Variants in DACH2 observed in about 807,000 individuals in gnomAD.
The protein encoded by DACH2 is dachshund homolog 2.
In DACH2, 17 loss-of-function variants were observed where a neutral mutation model predicts 35.8. The observed-to-expected ratio is 0.48, with a 90% CI of 0.33 to 0.71. The LOEUF is 0.71. Among genes scored for constraint, DACH2 ranks in the 30% least tolerant of loss-of-function variants. The probability of loss-of-function intolerance (pLI) is 0.02; values close to 1 mark genes in which losing one functional copy is unlikely to be tolerated. For missense variants in DACH2, 469 were observed against 472.7 expected, an observed-to-expected ratio of 0.99 and a Z score of 0.07; for synonymous variants, 195 against 177.3, an observed-to-expected ratio of 1.10 and a Z score of -0.79.
rs540430208 is a variant in DACH2, at chrX:86,465,799, T to C, written c.528-48480T>C. 8.9e-5 allele frequency among the ~76,000 whole-genome samples: 10 copies of C among 112,195 alleles called. No homozygotes were observed. In the East Asian group the frequency reaches 2.5e-3, roughly 28 times the overall value. On this transcript the variant is annotated intron_variant, in intron 2 of 11. Transcript: ENST00000373125. Reference sequence around the variant, plus strand: ...TATGTTTGTTTTGCCTATATGCCATTGATTTTCTATACCATGACTCTTCAA... The same window carrying C: ...TATGTTTGTTTTGCCTATATGCCATCGATTTTCTATACCATGACTCTTCAA...
chrX:86,332,551 T>C (rs1347876176), intron 1 of DACH2, among the ~76,000 whole-genome samples: 3 of 111,165 alleles, frequency 2.7e-5, no homozygotes, highest in Non-Finnish European at 5.7e-5. Flanking sequence ...TTTTTGTATG[T>C]GTGTATTCAG....
chrX:86,443,504 ATTT>A (rs112649268), intron 2 of DACH2, among the ~76,000 whole-genome samples: 12 of 99,391 alleles, frequency 1.2e-4, no homozygotes, highest in African/African-American at 4.4e-4. Context: ...ATTTGAATGA[ATTT>A]TTTTTTTTTT....
chrX:86,543,932 A>T (rs1245691116), intron 3 of DACH2, among the ~76,000 whole-genome samples: 1 of 108,642 alleles, frequency 9.2e-6, no homozygotes, highest in Non-Finnish European at 1.9e-5. Context: ...ACATGTATAC[A>T]TATGTAACTA....
chrX:86,359,792 A>C (rs941924259), intron 1 of DACH2, among the ~76,000 whole-genome samples: 1 of 111,317 alleles, frequency 9.0e-6, no homozygotes, highest in South Asian at 3.8e-4. Flanking sequence ...GAGAAAGCTA[A>C]GAAAGTGTTA....
chrX:86,264,219 A>G (rs1350216088), intron 1 of DACH2, among the ~76,000 whole-genome samples: 1 of 112,227 alleles, frequency 8.9e-6, no homozygotes, highest in Non-Finnish European at 1.9e-5. Flanking sequence ...GTAGGAAAAA[A>G]AGGTAAAATC....
intron 3 of DACH2, among the ~76,000 whole-genome samples, chrX:86,616,452 A>G (rs753684152): frequency 2.2e-4 from 25 of 112,074 alleles, no homozygotes; most frequent in Non-Finnish European, 4.1e-4. Context: ...TTGACTTGTT[A>G]TAGCCATTCT....
intron 3 of DACH2, among the ~76,000 whole-genome samples, chrX:86,602,628 C>T (rs2039803682): frequency 8.9e-6 from 1 of 111,884 alleles, no homozygotes; most frequent in African/African-American, 3.2e-5. Flanking sequence ...TTTATATGTG[C>T]TTTTGTGCGT....
chrX:86,718,737 C>T (rs1345801233), intron 6 of DACH2, among the ~76,000 whole-genome samples: 1 of 111,690 alleles, frequency 9.0e-6, no homozygotes, highest in Admixed American at 9.5e-5. Context: ...AAAAGGGTGT[C>T]ATTTCCCCAG....
chrX:86,309,677 AG>A, intron 1 of DACH2, among the ~76,000 whole-genome samples: 1 of 112,152 alleles, frequency 8.9e-6, no homozygotes, highest in Middle Eastern at 4.6e-3. Context: ...TAAAATTTCT[AG>A]GGGTTCTGTG....
At chrX:86,653,556 A>G (rs2040503220) in intron 4 of DACH2, among the ~76,000 whole-genome samples, 1 of 111,215 alleles carries the variant, frequency 9.0e-6, no homozygotes, top group South Asian at 3.7e-4. Context: ...ATTCAAGAAC[A>G]TGAAATGTTT....
chrX:86,455,523 G>A (rs1164405516), intron 2 of DACH2, among the ~76,000 whole-genome samples: 1 of 112,256 alleles, frequency 8.9e-6, no homozygotes, highest in Non-Finnish European at 1.9e-5. Flanking sequence ...CCAGTGAAGA[G>A]GAATAGATTG....
At chrX:86,785,289 G>A (rs1602947014) in intron 7 of DACH2, among the ~76,000 whole-genome samples, 1 of 111,411 alleles carries the variant, frequency 9.0e-6, no homozygotes, top group Non-Finnish European at 1.9e-5. Context: ...GTACAGGCTG[G>A]AGGTATAAAT....
rs1219568802 is a variant in DACH2, at chrX:86,446,373, C to T, written c.528-67906C>T. Among the ~76,000 whole-genome samples, 38 of 77,079 alleles carry T rather than the reference C, an allele frequency of 4.9e-4. 1 individual carries two copies. The highest frequency in any genetic ancestry group is 1.8e-3 in the African/African-American group (36 of 19,973). The allele number at this position is 77,079 out of a possible 115,157, so 66.9% of individuals were successfully genotyped here. A position where few individuals can be genotyped will look rare whatever the true frequency, so the allele number is the denominator to read the frequency against. On this transcript the variant is annotated intron_variant, in intron 2 of 11. Coordinates refer to ENST00000373125, the MANE Select transcript of DACH2 (RefSeq NM_053281.3). Reference sequence around the variant, plus strand: ...GTTAGTTACATATGTATACATGTGCCATGCTGGTGCGCTGCACCCACTAAC... The same window carrying T: ...GTTAGTTACATATGTATACATGTGCTATGCTGGTGCGCTGCACCCACTAAC...
intron 1 of DACH2, among the ~76,000 whole-genome samples, chrX:86,332,755 G>A (rs2035235567): frequency 9.0e-6 from 1 of 111,652 alleles, no homozygotes; most frequent in African/African-American, 3.2e-5. Context: ...TGTCTTTTGT[G>A]TTTGCTTTGG....
chrX:86,152,666 G>A (rs748597035), intron 1 of DACH2, among the ~76,000 whole-genome samples: 6 of 111,634 alleles, frequency 5.4e-5, no homozygotes, highest in Non-Finnish European at 9.4e-5. Context: ...TAATTTCAAA[G>A]AACTGTACAA....
chrX:86,622,175 C>T (rs2040076557), intron 3 of DACH2, among the ~76,000 whole-genome samples: 1 of 111,837 alleles, frequency 8.9e-6, no homozygotes, highest in South Asian at 3.7e-4. Flanking sequence ...AAGACAATTC[C>T]TTTCAGCCAC....
At chrX:86,540,023 T>A (rs1291615727) in intron 3 of DACH2, among the ~76,000 whole-genome samples, 1 of 111,861 alleles carries the variant, frequency 8.9e-6, no homozygotes, top group East Asian at 2.8e-4. Context: ...TGCAAAATTA[T>A]GGTTACAAAG....
At chrX:86,414,625 GT>G (rs1269818982) in intron 2 of DACH2, among the ~76,000 whole-genome samples, 11 of 111,130 alleles carry the variant, frequency 9.9e-5, no homozygotes, top group African/African-American at 3.6e-4. Flanking sequence ...GCTGGAATGA[GT>G]AGGTCTAAAG....
chrX:86,473,646 T>A (rs1393376857), intron 2 of DACH2, among the ~76,000 whole-genome samples: 1 of 111,569 alleles, frequency 9.0e-6, no homozygotes, highest in East Asian at 2.8e-4. Context: ...GCCTGGCTTA[T>A]TTCACTTAGC....
Sources: allele counts gnomAD v4.1 joint callset (sites outside exome capture counted in the v4.1 genomes callset), GRCh38; gene constraint gnomAD v4.1.1; transcripts MANE v1.5; gene names NCBI Gene and HGNC (gene_info 2026-07-23, HGNC 2026-07-21).